The following SNTG2 variants were observed in gnomAD, a reference collection of about 807,000 sequenced individuals.
The protein encoded by SNTG2 is syntrophin gamma 2.
Under a neutral mutation model 70.9 loss-of-function variants are expected in SNTG2, and 74 were observed. That is an observed-to-expected ratio of 1.04 (90% CI 0.86 to 1.27). The LOEUF (loss-of-function observed/expected upper bound fraction) is 1.27. Ranked by LOEUF, SNTG2 falls within the 50% of genes most tolerant of loss-of-function variation. The probability of loss-of-function intolerance (pLI) is 0.00; values close to 1 mark genes in which losing one functional copy is unlikely to be tolerated. For synonymous variants in SNTG2, 278 were observed against 273.8 expected, an observed-to-expected ratio of 1.02 and a Z score of -0.15; for missense variants, 717 against 690.7, an observed-to-expected ratio of 1.04 and a Z score of -0.43.
At chr2:1,132,689 A>T (rs969993773) in intron 4 of SNTG2, among the ~76,000 whole-genome samples, 13 of 152,184 alleles carry the variant, frequency 8.5e-5, no homozygotes, top group South Asian at 6.2e-4. Context: ...CGGGTTAGCC[A>T]TCCTCCACTG....
At chr2:1,210,893 A>G (rs765862162) in intron 9 of SNTG2, among the ~76,000 whole-genome samples, 2 of 152,158 alleles carry the variant, frequency 1.3e-5, no homozygotes, top group African/African-American at 2.4e-5. Context: ...CATGTAGCCT[A>G]GGTGTGTTGT....
intron 1 of SNTG2, among the ~76,000 whole-genome samples, chr2:978,801 TTA>T (rs1660997314): frequency 6.6e-6 from 1 of 152,246 alleles, no homozygotes; most frequent in South Asian, 2.1e-4. Flanking sequence ...TGGCTGAGTC[TTA>T]GTCTCATGTT....
intron 15 of SNTG2, among the ~76,000 whole-genome samples, chr2:1,310,905 T>A (rs1169418502): frequency 6.6e-6 from 1 of 152,240 alleles, no homozygotes. Flanking sequence ...AAAGCAGCAG[T>A]GTTTTAAATC....
rs149564361 is a variant in SNTG2, at chr2:1,181,583, C to T, written c.591+8400C>T. ...ACCCCTGCTGCATTAGCAACCTCTT[C>T]CTCTAGAGGTAGGGTAGGTGGTGTG... On this transcript the variant is annotated intron_variant, in intron 8 of 16. Coordinates refer to ENST00000308624, the MANE Select transcript of SNTG2 (RefSeq NM_018968.4). Among the ~76,000 whole-genome samples the T allele has an allele frequency of 5.9e-3, 892 of 152,310 alleles. 10 individuals are homozygous for T. The highest frequency in any genetic ancestry group is 0.02 in the African/African-American group (848 of 41,562).
intron 6 of SNTG2, chr2:1,160,894 C>T (rs925709427): frequency 1.3e-5 from 2 of 152,322 alleles, no homozygotes; most frequent in Non-Finnish European, 2.9e-5. Context: ...GCTGAGAAGC[C>T]ACCCAGGCAT....
intron 1 of SNTG2, among the ~76,000 whole-genome samples, chr2:1,079,785 G>A (rs1294260846): frequency 2.6e-5 from 4 of 152,158 alleles, no homozygotes. Context: ...TCAGCGTGAT[G>A]AATTAGTTGG....
intron 14 of SNTG2, among the ~76,000 whole-genome samples, chr2:1,268,233 G>A (rs1678852352): frequency 6.6e-6 from 1 of 152,240 alleles, no homozygotes; most frequent in Admixed American, 6.5e-5. Context: ...CATCCCAGAG[G>A]AGCTCTGACT....
intron 1 of SNTG2, among the ~76,000 whole-genome samples, chr2:1,024,292 A>G (rs1660356238): frequency 6.6e-6 from 1 of 152,280 alleles, no homozygotes; most frequent in East Asian, 1.9e-4. Flanking sequence ...TAAGCCATAC[A>G]TGATGTGATG....
intron 16 of SNTG2, among the ~76,000 whole-genome samples, chr2:1,318,508 G>A (rs1054878951): frequency 6.6e-6 from 1 of 152,246 alleles, no homozygotes; most frequent in Non-Finnish European, 1.5e-5. Flanking sequence ...AGACACTGTG[G>A]CTCCTGGGCT....
chr2:1,076,664 C>A (rs184276603), intron 1 of SNTG2, among the ~76,000 whole-genome samples: 2 of 152,098 alleles, frequency 1.3e-5, no homozygotes, highest in Non-Finnish European at 2.9e-5. Context: ...CAGAGATGCA[C>A]TCAGCTGCAT....
chr2:1,258,570 G>T (rs532161447), intron 12 of SNTG2, among the ~76,000 whole-genome samples: 1 of 152,116 alleles, frequency 6.6e-6, no homozygotes, highest in Non-Finnish European at 1.5e-5. Context: ...ATTAATTAAA[G>T]CCAAGATAAT....
chr2:1,157,259 A>G (rs1362608613), intron 6 of SNTG2, among the ~76,000 whole-genome samples: 2 of 152,124 alleles, frequency 1.3e-5, no homozygotes, highest in East Asian at 3.9e-4. Context: ...TTTGGCAGGA[A>G]TCATCGAGTC....
intron 1 of SNTG2, among the ~76,000 whole-genome samples, chr2:1,055,823 C>T (rs533383956): frequency 1.3e-5 from 2 of 152,254 alleles, no homozygotes; most frequent in East Asian, 3.9e-4. Flanking sequence ...ATTTTCCATT[C>T]AGTTGCAGCA....
chr2:1,230,192 G>A (rs765779436), intron 9 of SNTG2, among the ~76,000 whole-genome samples: 32 of 152,250 alleles, frequency 2.1e-4, no homozygotes, highest in Non-Finnish European at 4.1e-4. Context: ...TAATGATGAA[G>A]TTTTATTCTT....
chr2:1,018,737 A>C (rs1194960934), intron 1 of SNTG2, among the ~76,000 whole-genome samples: 2 of 152,222 alleles, frequency 1.3e-5, no homozygotes, highest in African/African-American at 4.8e-5. Flanking sequence ...TGGCAAAAAA[A>C]AATTAATAAT....
At chr2:1,265,554 C>A (rs549588525) in intron 13 of SNTG2, among the ~76,000 whole-genome samples, 58 of 152,338 alleles carry the variant, frequency 3.8e-4, no homozygotes, top group African/African-American at 1.4e-3. Context: ...GCCAGGAGAG[C>A]CAGGGCATCC....
chr2:978,772 A>G (rs1660995746), intron 1 of SNTG2, among the ~76,000 whole-genome samples: 1 of 152,222 alleles, frequency 6.6e-6, no homozygotes, highest in Admixed American at 6.5e-5. Flanking sequence ...GAGTACAGGT[A>G]AGTCTCGCAA....
chr2:1,361,317 T>C (rs945006718), intron 16 of SNTG2, among the ~76,000 whole-genome samples: 1 of 150,890 alleles, frequency 6.6e-6, no homozygotes, highest in Non-Finnish European at 1.5e-5. Context: ...TCATGGAATT[T>C]AATAAATGGT....
intron 4 of SNTG2, among the ~76,000 whole-genome samples, chr2:1,105,782 C>T (rs913254316): frequency 4.6e-5 from 7 of 152,140 alleles, no homozygotes; most frequent in African/African-American, 9.7e-5. Flanking sequence ...TTCCAGCTCA[C>T]CTCACATCCT....
Sources: gnomAD v4.1 joint callset for allele counts (sites outside exome capture counted in the v4.1 genomes callset) on GRCh38, gnomAD v4.1.1 for gene constraint, MANE v1.5 for transcripts, NCBI Gene and HGNC (gene_info 2026-07-23, HGNC 2026-07-21) for gene names.